GAREM1: variants seen among roughly 807,000 people sequenced by gnomAD.
GAREM1 encodes the protein GRB2 associated regulator of MAPK1 subtype 1, also known as GRB2-associated and regulator of MAPK protein 1.
In GAREM1, 26 loss-of-function variants were observed where a neutral mutation model predicts 71.3. The ratio of observed to expected loss-of-function variants is 0.36; its 90% CI spans 0.27 to 0.51. The LOEUF (loss-of-function observed/expected upper bound fraction) is 0.51. Among genes scored for constraint, GAREM1 ranks in the 20% least tolerant of loss-of-function variants. The pLI is 0.95. For synonymous variants in GAREM1, 440 were observed against 433.2 expected, an observed-to-expected ratio of 1.02 and a Z score of -0.20; for missense variants, 1,026 against 1,103.1, an observed-to-expected ratio of 0.93 and a Z score of 0.99.
At chr18:32,420,888 G>A (rs930478545) in intron 1 of GAREM1, among the ~76,000 whole-genome samples, 2 of 152,162 alleles carry the variant, frequency 1.3e-5, no homozygotes, top group African/African-American at 2.4e-5. Flanking sequence ...ACAATCTTGC[G>A]GCACCTCAGA....
intron 4 of GAREM1, among the ~76,000 whole-genome samples, chr18:32,281,120 C>T (rs942119802): frequency 6.6e-6 from 1 of 152,206 alleles, no homozygotes; most frequent in Non-Finnish European, 1.5e-5. Flanking sequence ...ATTATCCCCA[C>T]AGGAACTGAC....
intron 2 of GAREM1, among the ~76,000 whole-genome samples, chr18:32,380,346 C>T (rs1290141389): frequency 2.6e-5 from 4 of 151,684 alleles, no homozygotes; most frequent in Admixed American, 2.6e-4. Flanking sequence ...TGTGGTGGCA[C>T]GTGTCTGTAA....
At chr18:32,270,113 C>T in intron 5 of GAREM1, 104 bp downstream of exon 5, 1 of 1,206,842 alleles carries the variant, frequency 8.3e-7, no homozygotes, top group East Asian at 2.5e-5. Context: ...CATTTCCTCT[C>T]CCACCACCCT....
At chr18:32,450,047 C>A (rs2048820462) in intron 1 of GAREM1, among the ~76,000 whole-genome samples, 1 of 152,144 alleles carries the variant, frequency 6.6e-6, no homozygotes, top group Non-Finnish European at 1.5e-5. Context: ...TTAACTACCT[C>A]CCTTTGCCAG....
chr18:32,374,539 T>C (rs2144631364), intron 2 of GAREM1, among the ~76,000 whole-genome samples: 1 of 152,282 alleles, frequency 6.6e-6, no homozygotes, highest in South Asian at 2.1e-4. Context: ...CAAAAGCAAT[T>C]AAAATTTGCA....
At chr18:32,370,385 C>T (rs570914177) in intron 2 of GAREM1, among the ~76,000 whole-genome samples, 18 of 148,398 alleles carry the variant, frequency 1.2e-4, no homozygotes, top group Admixed American at 4.0e-4. Context: ...CTGAGATCAC[C>T]GCACTCCAGC....
intron 2 of GAREM1, among the ~76,000 whole-genome samples, chr18:32,384,521 A>G (rs755068610): frequency 2.0e-5 from 3 of 152,182 alleles, no homozygotes; most frequent in Non-Finnish European, 4.4e-5. Flanking sequence ...GAACACCCAT[A>G]TACCTTTTAC....
At chr18:32,448,684 A>C (rs2048806179) in intron 1 of GAREM1, among the ~76,000 whole-genome samples, 1 of 152,214 alleles carries the variant, frequency 6.6e-6, no homozygotes, top group African/African-American at 2.4e-5. Context: ...GTATGTATTT[A>C]TGTACCTTTG....
chr18:32,368,460 A>G (rs2047946084), intron 2 of GAREM1, among the ~76,000 whole-genome samples: 1 of 152,228 alleles, frequency 6.6e-6, no homozygotes, highest in African/African-American at 2.4e-5. Context: ...CTTTCCTGGA[A>G]TATCAGGCCA....
chr18:32,383,449 T>C (rs565576291), intron 2 of GAREM1, among the ~76,000 whole-genome samples: 2 of 152,336 alleles, frequency 1.3e-5, no homozygotes, highest in South Asian at 2.1e-4. Context: ...CAATCAGTTT[T>C]GGAACCCATG....
chr18:32,295,742 T>TGTA (rs1277641555), intron 3 of GAREM1, among the ~76,000 whole-genome samples: 2 of 152,206 alleles, frequency 1.3e-5, no homozygotes, highest in Non-Finnish European at 2.9e-5. Context: ...TAGGAGACAT[T>TGTA]GTAAGTACAG....
Position 32,377,927 on chromosome 18 carries a change from C to T in GAREM1, c.262+14968G>A, listed in dbSNP as rs1042874866. 3.9e-5 allele frequency among the ~76,000 whole-genome samples: 6 copies of T among 152,054 alleles called. No individual in the cohort carries two copies. In the East Asian group the frequency reaches 1.2e-3, roughly 29 times the overall value. On this transcript the variant is annotated intron_variant, in intron 2 of 5. Coordinates refer to ENST00000269209, the MANE Select transcript of GAREM1 (RefSeq NM_001242409.2). ...GCATCAAATGATTTTCCTTCTACCA[C>T]CTCACAAAAGACTATTCACTTACTG...
intron 1 of GAREM1, among the ~76,000 whole-genome samples, chr18:32,408,516 AC>A (rs1460335380): frequency 6.6e-6 from 1 of 152,228 alleles, no homozygotes; most frequent in Non-Finnish European, 1.5e-5. Flanking sequence ...CCTAGAATTT[AC>A]CATCAGCAGG....
At chr18:32,314,071 A>G (rs181089095) in intron 2 of GAREM1, among the ~76,000 whole-genome samples, 1 of 151,156 alleles carries the variant, frequency 6.6e-6, no homozygotes, top group African/African-American at 2.5e-5. Flanking sequence ...GTTACAGTAC[A>G]TACTTTTTGA....
chr18:32,273,491 C>T (rs1332410849), intron 4 of GAREM1, among the ~76,000 whole-genome samples: 2 of 152,184 alleles, frequency 1.3e-5, no homozygotes, highest in East Asian at 3.8e-4. Flanking sequence ...GTTCTGCCAC[C>T]TTCAAAACTA....
At chr18:32,273,833 T>C (rs1339371304) in intron 4 of GAREM1, among the ~76,000 whole-genome samples, 2 of 152,164 alleles carry the variant, frequency 1.3e-5, no homozygotes, top group African/African-American at 4.8e-5. Flanking sequence ...TTTTTTCTGT[T>C]GTGATGGGAG....
At chr18:32,281,438 C>T (rs1046877343) in intron 4 of GAREM1, among the ~76,000 whole-genome samples, 3 of 152,228 alleles carry the variant, frequency 2.0e-5, no homozygotes, top group East Asian at 1.9e-4. Flanking sequence ...GATGAACTTC[C>T]GGCCTTCTAA....
chr18:32,318,608 G>A (rs2047402498), intron 2 of GAREM1, among the ~76,000 whole-genome samples: 1 of 152,218 alleles, frequency 6.6e-6, no homozygotes, highest in Non-Finnish European at 1.5e-5. Flanking sequence ...CACCGATGAA[G>A]ATGCAGCTCC....
At chr18:32,461,470 C>T (rs1450330803) in intron 1 of GAREM1, among the ~76,000 whole-genome samples, 13 of 151,994 alleles carry the variant, frequency 8.6e-5, no homozygotes, top group Non-Finnish European at 1.8e-4. Context: ...CCAAAGCAGG[C>T]AAATGGCTCT....
Sources: gnomAD v4.1 joint callset for allele counts (sites outside exome capture counted in the v4.1 genomes callset) on GRCh38, gnomAD v4.1.1 for gene constraint, MANE v1.5 for transcripts, NCBI Gene and HGNC (gene_info 2026-07-23, HGNC 2026-07-21) for gene names.